THAP4: variants seen among roughly 807,000 people sequenced by gnomAD.
THAP4 encodes the protein THAP domain containing 4.
Under a neutral mutation model 48.1 loss-of-function variants are expected in THAP4, and 18 were observed. That is an observed-to-expected ratio of 0.37 (90% CI 0.26 to 0.56). The LOEUF is 0.56. Ranked by LOEUF, THAP4 falls within the 20% of genes least tolerant of loss-of-function variation. The probability of loss-of-function intolerance (pLI) is 0.78; values close to 1 mark genes in which losing one functional copy is unlikely to be tolerated. For synonymous variants in THAP4, 345 were observed against 324.9 expected (o/e 1.06, Z -0.66); for missense variants, 656 against 774.9 (o/e 0.85, Z 1.82).
At chr2:241,636,558 G>A (rs747457718) in intron 1 of THAP4, among the ~76,000 whole-genome samples, 2 of 152,260 alleles carry the variant, frequency 1.3e-5, no homozygotes, top group African/African-American at 2.4e-5. Context: ...GGCGCAGGTC[G>A]CGTCTGCCCG....
intron 2 of THAP4, among the ~76,000 whole-genome samples, chr2:241,609,252 G>A (rs1284651996): frequency 6.6e-6 from 1 of 152,216 alleles, no homozygotes; most frequent in Non-Finnish European, 1.5e-5. Context: ...TGTGAAACAC[G>A]TAAGAAAAGA....
Position 241,601,837 on chromosome 2 carries a change from A to C in THAP4, c.1614+59T>G. 1 of 1,604,512 alleles carries C rather than the reference A, an allele frequency of 6.2e-7. No homozygotes were observed. Among genetic ancestry groups the C allele is most frequent in the Non-Finnish European group, 8.5e-7 (1 of 1,175,812 alleles). ...TACCTCACGGAAGAGGAAGAGGCTGACTCCACAGACCGCTGCAAACAGAAG... is the reference window on the plus strand; with the variant it reads ...TACCTCACGGAAGAGGAAGAGGCTGCCTCCACAGACCGCTGCAAACAGAAG... On this transcript the variant is annotated intron_variant, in intron 5 of 5. Coordinates refer to ENST00000407315, the MANE Select transcript of THAP4 (RefSeq NM_015963.6). This position sits in a 1 kb window ranked among gnomAD's most constrained non-coding sequence, Gnocchi z 4.0.
chr2:241,587,738 T>A (rs900176529), intron 5 of THAP4, among the ~76,000 whole-genome samples: 1 of 151,792 alleles, frequency 6.6e-6, no homozygotes, highest in African/African-American at 2.4e-5. Flanking sequence ...AATAACCCTG[T>A]TCAAAGAAAA....
chr2:241,626,656 C>T (rs931586576), intron 2 of THAP4, among the ~76,000 whole-genome samples: 5 of 151,878 alleles, frequency 3.3e-5, no homozygotes, highest in African/African-American at 7.3e-5. Context: ...CTCCACCTCC[C>T]GGGTTCAAGT....
chr2:241,600,838 A>G (rs534745262), intron 5 of THAP4, among the ~76,000 whole-genome samples: 20 of 152,128 alleles, frequency 1.3e-4, no homozygotes, highest in Non-Finnish European at 2.6e-4. Flanking sequence ...GAAACAGCCC[A>G]GAGGCAACAA....
intron 5 of THAP4, among the ~76,000 whole-genome samples, chr2:241,596,677 G>A (rs1173737509): frequency 2.6e-5 from 4 of 151,192 alleles, no homozygotes; most frequent in African/African-American, 4.9e-5. Context: ...GTGGTGGCGC[G>A]CACCTGTAGT....
chr2:241,601,497 T>A lies in THAP4; in HGVS notation c.1614+399A>T, dbSNP rs1311423328. Among the ~76,000 whole-genome samples, 1 of 152,188 alleles carries A rather than the reference T, an allele frequency of 6.6e-6. No individual in the cohort carries two copies. The highest frequency in any genetic ancestry group is 2.4e-5 in the African/African-American group (1 of 41,448). On this transcript the variant is annotated intron_variant, in intron 5 of 5. Coordinates refer to ENST00000407315, the MANE Select transcript of THAP4 (RefSeq NM_015963.6). The surrounding 1 kb of genome is among the most constrained non-coding windows in gnomAD (Gnocchi z 4.0). Reference sequence around the variant, plus strand: ...AGGAGTAGGGAACCAGCTGCCCTCATGCAAGAGATAGTGGGAGGATAATCA... The same window carrying A: ...AGGAGTAGGGAACCAGCTGCCCTCAAGCAAGAGATAGTGGGAGGATAATCA...
intron 1 of THAP4, among the ~76,000 whole-genome samples, chr2:241,636,481 G>A (rs900941146): frequency 6.6e-6 from 1 of 152,186 alleles, no homozygotes; most frequent in African/African-American, 2.4e-5. Context: ...GACTCTCCGC[G>A]CGTACCCGCG....
intron 2 of THAP4, among the ~76,000 whole-genome samples, chr2:241,619,720 GTGAGTCGGTGA>G (rs1199790069): frequency 1.4e-5 from 2 of 146,264 alleles, no homozygotes; most frequent in African/African-American, 5.0e-5. Context: ...TGAAGGGTGA[GTGAGTCGGTGA>G]GGGGTGAGTG....
chr2:241,584,901 C>A (rs2066874064), intron 5 of THAP4, 176 bp from the exon 6 acceptor site: 3 of 708,058 alleles, frequency 4.2e-6, no homozygotes, highest in Non-Finnish European at 7.2e-6. Context: ...ATCCAGGTGC[C>A]CTTCAGCTGC....
intron 5 of THAP4, among the ~76,000 whole-genome samples, chr2:241,590,226 T>A (rs1012485360): frequency 6.9e-6 from 1 of 145,182 alleles, no homozygotes; most frequent in African/African-American, 2.6e-5. Context: ...CGGCTGATGA[T>A]AATGGGCACT....
chr2:241,584,523 C>T lies in THAP4; in HGVS notation c.*83G>A. ...CAGAGGCTCACGGCCACACCCACTT[C>T]TGCCGCAGGGACTGTCTGTTGAGGA... On this transcript the variant is annotated 3_prime_UTR_variant, in exon 6 of 6. Coordinates refer to ENST00000407315, the MANE Select transcript of THAP4 (RefSeq NM_015963.6). 1 of 1,510,496 alleles carries T rather than the reference C, an allele frequency of 6.6e-7. No homozygotes were observed. The highest frequency in any genetic ancestry group is 1.2e-5 in the South Asian group (1 of 86,888). 93.6% of individuals were successfully genotyped at this position (1,510,496 alleles called of 1,614,324 possible). A position where few individuals can be genotyped will look rare whatever the true frequency, so the allele number is the denominator to read the frequency against.
rs571518373 is a variant in THAP4 at position 241,626,150 on chromosome 2, C to T, written c.1240+6767G>A. On this transcript the variant is annotated intron_variant, in intron 2 of 5. Coordinates refer to ENST00000407315, the MANE Select transcript of THAP4 (RefSeq NM_015963.6). ...GGAATTCTGTCAACTTGATAAAGGA[C>T]ATATAAAAAAACTACAGCTTGGTGG... Among the ~76,000 whole-genome samples, 15 of 152,174 alleles carry T rather than the reference C, an allele frequency of 9.9e-5. No homozygotes were observed. The South Asian group carries it at 3.1e-3, about 32-fold the overall frequency.
At chr2:241,602,875 A>G in intron 4 of THAP4, 95 bp downstream of exon 4, 1 of 957,136 alleles carries the variant, frequency 1.0e-6, no homozygotes. Flanking sequence ...CACATGCCTC[A>G]GCAGGGTTGC....
At chr2:241,594,910 A>AT (rs2067029615) in intron 5 of THAP4, among the ~76,000 whole-genome samples, 1 of 152,226 alleles carries the variant, frequency 6.6e-6, no homozygotes, top group African/African-American at 2.4e-5. Context: ...GCCACAGAAG[A>AT]TAAATGTTCT....
At chr2:241,625,896 T>C (rs1333983964) in intron 2 of THAP4, among the ~76,000 whole-genome samples, 5 of 150,624 alleles carry the variant, frequency 3.3e-5, no homozygotes, top group African/African-American at 4.9e-5. Flanking sequence ...ACATTTGCGA[T>C]TGAATAAAAA....
intron 5 of THAP4, among the ~76,000 whole-genome samples, chr2:241,593,406 G>A (rs1176664398): frequency 6.6e-6 from 1 of 152,224 alleles, no homozygotes; most frequent in Admixed American, 6.5e-5. Flanking sequence ...TGGAATGGCA[G>A]TGAAGGAATG....
intron 5 of THAP4, among the ~76,000 whole-genome samples, chr2:241,588,780 C>T (rs886425824): frequency 6.6e-6 from 1 of 152,002 alleles, no homozygotes; most frequent in African/African-American, 2.4e-5. Context: ...ATAGCAATTC[C>T]AAATAGCATA....
At chr2:241,614,683 C>T (rs1214204528) in intron 2 of THAP4, among the ~76,000 whole-genome samples, 1 of 152,012 alleles carries the variant, frequency 6.6e-6, no homozygotes, top group African/African-American at 2.4e-5. Flanking sequence ...GTCAGGAGTT[C>T]GAGACCAGCC....
Sources: allele counts gnomAD v4.1 joint callset (sites outside exome capture counted in the v4.1 genomes callset), GRCh38; gene constraint gnomAD v4.1.1; non-coding constraint Gnocchi (gnomAD v3.1); transcripts MANE v1.5; gene names NCBI Gene and HGNC (gene_info 2026-07-23, HGNC 2026-07-21).